Variants in SPAG16 observed in about 807,000 individuals in gnomAD.
SPAG16 encodes the protein sperm-associated antigen 16 protein.
A neutral mutation model predicts 80.4 loss-of-function variants in SPAG16; 86 were observed. That is an observed-to-expected ratio of 1.07 (90% CI 0.90 to 1.28). The LOEUF (loss-of-function observed/expected upper bound fraction) is 1.28. SPAG16 is among the 50% of genes most tolerant of loss of function. The probability of loss-of-function intolerance (pLI) is 0.00; values close to 1 mark genes in which losing one functional copy is unlikely to be tolerated. For synonymous variants in SPAG16, 294 were observed against 265.9 expected, an observed-to-expected ratio of 1.11 and a Z score of -1.03; for missense variants, 870 against 765.3, an observed-to-expected ratio of 1.14 and a Z score of -1.61.
At chr2:213,287,340 G>A (rs1022605815) in intron 1 of SPAG16, among the ~76,000 whole-genome samples, 3 of 152,344 alleles carry the variant, frequency 2.0e-5, no homozygotes, top group Admixed American at 2.0e-4. Context: ...TAGTAGTGAG[G>A]AAGGGCTGCC....
At chr2:213,875,603 C>A (rs1284937722) in intron 11 of SPAG16, among the ~76,000 whole-genome samples, 1 of 152,122 alleles carries the variant, frequency 6.6e-6, no homozygotes, top group Non-Finnish European at 1.5e-5. Context: ...TAATTTCACT[C>A]TTTTGGGTCT....
At chr2:214,236,575 C>T (rs951591359) in intron 15 of SPAG16, among the ~76,000 whole-genome samples, 1 of 151,768 alleles carries the variant, frequency 6.6e-6, no homozygotes, top group Admixed American at 6.6e-5. Flanking sequence ...TAGCTTGAAC[C>T]CAGGAGGCAG....
chr2:213,482,160 A>C lies in SPAG16; in HGVS notation c.943-7803A>C, dbSNP rs571821727. Among the ~76,000 whole-genome samples the C allele has an allele frequency of 1.8e-4, 27 of 152,372 alleles. No individual in the cohort carries two copies. In the South Asian group the frequency reaches 5.6e-3, roughly 32 times the overall value. ...TACATTGTGCAAGGGAGCTTCGCTC[A>C]TCATAATCACTGAGGACCACAGGCT... On this transcript the variant is annotated intron_variant, in intron 9 of 15. Transcript: ENST00000331683.
chr2:213,477,380 A>G (rs574891692), intron 9 of SPAG16, among the ~76,000 whole-genome samples: 4 of 152,290 alleles, frequency 2.6e-5, no homozygotes, highest in Admixed American at 6.5e-5. Context: ...AGCTTGCACC[A>G]TGCACCTGAA....
chr2:214,006,216 A>G (rs576699698), intron 12 of SPAG16, among the ~76,000 whole-genome samples: 2 of 152,288 alleles, frequency 1.3e-5, no homozygotes, highest in Admixed American at 1.3e-4. Context: ...GCATATTCCT[A>G]CAAGCCTGAA....
At chr2:213,885,391 C>G (rs2076514620) in intron 11 of SPAG16, among the ~76,000 whole-genome samples, 1 of 152,162 alleles carries the variant, frequency 6.6e-6, no homozygotes, top group Admixed American at 6.5e-5. Context: ...CACCTCCTCA[C>G]CAGGTCCATT....
chr2:213,433,781 A>G (rs926957485), intron 9 of SPAG16, among the ~76,000 whole-genome samples: 2 of 152,174 alleles, frequency 1.3e-5, no homozygotes, highest in Non-Finnish European at 2.9e-5. Context: ...AAGAGCCCAA[A>G]TAGCTAAATA....
intron 6 of SPAG16, among the ~76,000 whole-genome samples, chr2:213,350,091 G>A (rs1269022327): frequency 1.3e-5 from 2 of 152,128 alleles, no homozygotes; most frequent in Non-Finnish European, 2.9e-5. Flanking sequence ...TAAAATACAA[G>A]ATTAGCCAAA....
intron 15 of SPAG16, among the ~76,000 whole-genome samples, chr2:214,162,633 A>C (rs2125606936): frequency 6.6e-6 from 1 of 152,198 alleles, no homozygotes; most frequent in Middle Eastern, 3.4e-3. Context: ...ACCAATAGAC[A>C]CATCATTTTC....
chr2:213,818,851 T>C (rs897158502), intron 10 of SPAG16, among the ~76,000 whole-genome samples: 1 of 152,148 alleles, frequency 6.6e-6, no homozygotes, highest in Admixed American at 6.6e-5. Context: ...CCTGCCACCA[T>C]GTGAAGAAGG....
At chr2:214,346,087 T>C (rs1363620072) in intron 15 of SPAG16, among the ~76,000 whole-genome samples, 1 of 152,216 alleles carries the variant, frequency 6.6e-6, no homozygotes, top group African/African-American at 2.4e-5. Flanking sequence ...AGAGTACGTG[T>C]GTATTCAGCT....
At chr2:214,034,885 T>A (rs553751025) in intron 13 of SPAG16, among the ~76,000 whole-genome samples, 1 of 152,370 alleles carries the variant, frequency 6.6e-6, no homozygotes, top group South Asian at 2.1e-4. Flanking sequence ...TTGCTCATGT[T>A]ACAGCTCTTT....
chr2:213,546,375 CTTG>C (rs1429401389), intron 10 of SPAG16, among the ~76,000 whole-genome samples: 5 of 151,862 alleles, frequency 3.3e-5, no homozygotes, highest in African/African-American at 4.8e-5. Flanking sequence ...ATATCTTTAC[CTTG>C]TTGTGTTTAA....
intron 13 of SPAG16, among the ~76,000 whole-genome samples, chr2:214,044,337 T>C (rs2049194973): frequency 6.6e-6 from 1 of 152,214 alleles, no homozygotes; most frequent in South Asian, 2.1e-4. Context: ...CATAAAATAC[T>C]ATTCTTTCTG....
At chr2:213,848,177 C>T (rs543837915) in intron 10 of SPAG16, among the ~76,000 whole-genome samples, 1 of 152,260 alleles carries the variant, frequency 6.6e-6, no homozygotes, top group Admixed American at 6.5e-5. Context: ...AGCTCTACGT[C>T]TTGTCTGGAT....
rs368610907 is a variant in SPAG16 at position 213,667,933 on chromosome 2, CTATTTATTTATT to C, written c.1070+177861_1070+177872del. On this transcript the variant is annotated intron_variant, in intron 10 of 15. Transcript: ENST00000331683. ...CGAGTGTATTTGAATAAAAATTCTA[CTATTTATTTATT>C]TATTTATTTATTTATTTTTGAGACA... 6.6e-3 allele frequency among the ~76,000 whole-genome samples: 989 copies of C among 150,598 alleles called. 9 individuals carry two copies. The highest frequency in any genetic ancestry group is 8.4e-3 in the Non-Finnish European group (570 of 67,810).
At chr2:213,867,312 G>A (rs1387289842) in intron 11 of SPAG16, among the ~76,000 whole-genome samples, 1 of 152,188 alleles carries the variant, frequency 6.6e-6, no homozygotes, top group East Asian at 1.9e-4. Context: ...TCAATGCAGG[G>A]AATGTGCATT....
chr2:214,345,677 C>A (rs980015861), intron 15 of SPAG16, among the ~76,000 whole-genome samples: 17 of 152,106 alleles, frequency 1.1e-4, no homozygotes, highest in Non-Finnish European at 2.5e-4. Context: ...CAAAAGCCAC[C>A]CACAAGCCCA....
chr2:213,288,285 A>G (rs1263435596), intron 1 of SPAG16, among the ~76,000 whole-genome samples: 1 of 152,116 alleles, frequency 6.6e-6, no homozygotes, highest in Non-Finnish European at 1.5e-5. Context: ...GATAACTTTA[A>G]TTAAAATTGA....
Sources: gnomAD v4.1 joint callset for allele counts (sites outside exome capture counted in the v4.1 genomes callset) on GRCh38, gnomAD v4.1.1 for gene constraint, MANE v1.5 for transcripts, NCBI Gene and HGNC (gene_info 2026-07-23, HGNC 2026-07-21) for gene names.